Variants in EGFLAM observed in about 807,000 individuals in gnomAD.
The protein encoded by EGFLAM is pikachurin.
In EGFLAM, 79 loss-of-function variants were observed where a neutral mutation model predicts 113.1. The observed-to-expected ratio is 0.70, with a 90% confidence interval of 0.58 to 0.84. EGFLAM has a LOEUF of 0.84. EGFLAM is among the 40% of genes least tolerant of loss of function. The pLI, the probability that EGFLAM is intolerant of heterozygous loss-of-function variation, is 0.00. For missense variants in EGFLAM, 1,265 were observed against 1,291.6 expected (o/e 0.98, Z 0.32); for synonymous variants, 504 against 487.6 (o/e 1.03, Z -0.44).
intron 12 of EGFLAM, among the ~76,000 whole-genome samples, chr5:38,418,651 T>G (rs1326797485): frequency 1.3e-5 from 2 of 152,242 alleles, no homozygotes; most frequent in Non-Finnish European, 2.9e-5. Flanking sequence ...CTCTGTTTCT[T>G]AAAGAAGTGG....
At chr5:38,400,744 G>T (rs1741089050) in intron 6 of EGFLAM, among the ~76,000 whole-genome samples, 1 of 152,118 alleles carries the variant, frequency 6.6e-6, no homozygotes, top group Non-Finnish European at 1.5e-5. Flanking sequence ...TTGGGATGCT[G>T]CAAAGAGGAC....
chr5:38,271,858 A>G (rs983738092), intron 1 of EGFLAM, among the ~76,000 whole-genome samples: 1 of 152,218 alleles, frequency 6.6e-6, no homozygotes, highest in African/African-American at 2.4e-5. Flanking sequence ...GGATTATCTT[A>G]CACATGGTTG....
rs1378117840 is a variant in EGFLAM at position 38,307,918 on chromosome 5, C to T, written c.98-29602C>T. ...TGAGGGGTGGGCATGGCTTTCTTGG[C>T]TTTGACTGCTGTCTTGATGTTTCTC... On this transcript the variant is annotated intron_variant, in intron 1 of 21. Coordinates refer to ENST00000322350, the MANE Select transcript of EGFLAM (RefSeq NM_152403.4). Among the ~76,000 whole-genome samples, 3 of 152,188 alleles carry T rather than the reference C, an allele frequency of 2.0e-5. No homozygotes were observed. In the East Asian group the frequency reaches 5.8e-4, roughly 29 times the overall value.
At chr5:38,395,274 C>T (rs1014631462) in intron 6 of EGFLAM, among the ~76,000 whole-genome samples, 6 of 140,766 alleles carry the variant, frequency 4.3e-5, no homozygotes, top group South Asian at 2.3e-4. Context: ...GACTGGGTCT[C>T]GGTCTGTCAC....
At chr5:38,449,674 A>ATGTG (rs141510682) in intron 18 of EGFLAM, among the ~76,000 whole-genome samples, 323 of 150,098 alleles carry the variant, frequency 2.2e-3, no homozygotes, top group African/African-American at 3.7e-3. Context: ...GTGCGCATGC[A>ATGTG]TGTGTGTGTG....
chr5:38,312,447 A>G (rs369813299), intron 1 of EGFLAM, among the ~76,000 whole-genome samples: 8 of 151,960 alleles, frequency 5.3e-5, no homozygotes, highest in South Asian at 4.2e-4. Flanking sequence ...TCACCATGTT[A>G]GCCAGGATGG....
intron 5 of EGFLAM, among the ~76,000 whole-genome samples, chr5:38,354,709 G>T (rs983999487): frequency 6.6e-5 from 10 of 152,174 alleles, no homozygotes; most frequent in African/African-American, 2.4e-4. Context: ...TAGCCTGGAG[G>T]ACAGAGCGAG....
chr5:38,383,153 C>G (rs578066505), intron 6 of EGFLAM, among the ~76,000 whole-genome samples: 6 of 152,288 alleles, frequency 3.9e-5, no homozygotes, highest in Admixed American at 3.3e-4. Flanking sequence ...AAGTCCCAAC[C>G]AACATGGGAG....
intron 1 of EGFLAM, among the ~76,000 whole-genome samples, chr5:38,276,977 C>T (rs1264535556): frequency 4.6e-5 from 7 of 152,088 alleles, no homozygotes; most frequent in African/African-American, 1.7e-4. Context: ...TGAATTCTAC[C>T]ATACATTTAA....
chr5:38,296,308 T>C (rs1354628051), intron 1 of EGFLAM, among the ~76,000 whole-genome samples: 1 of 152,092 alleles, frequency 6.6e-6, no homozygotes, highest in African/African-American at 2.4e-5. Context: ...ATTAATCTGA[T>C]GATGATGATG....
At chr5:38,259,981 C>T (rs1757458142) in intron 1 of EGFLAM, among the ~76,000 whole-genome samples, 1 of 152,190 alleles carries the variant, frequency 6.6e-6, no homozygotes, top group South Asian at 2.1e-4. Flanking sequence ...GAAGCGTCCT[C>T]AGTCTTTGCA....
chr5:38,323,233 T>TGAATC (rs1738786451), intron 1 of EGFLAM, among the ~76,000 whole-genome samples: 1 of 152,234 alleles, frequency 6.6e-6, no homozygotes, highest in Non-Finnish European at 1.5e-5. Context: ...TGAATTGGAT[T>TGAATC]ACAAAACTAA....
intron 1 of EGFLAM, chr5:38,305,361 C>T (rs1758695560): frequency 2.7e-6 from 1 of 367,114 alleles, no homozygotes; most frequent in South Asian, 2.2e-5. Context: ...GAATTCCATA[C>T]CCAGCCAAAC....
intron 1 of EGFLAM, among the ~76,000 whole-genome samples, chr5:38,320,928 A>T (rs1190722708): frequency 6.6e-6 from 1 of 151,932 alleles, no homozygotes; most frequent in Non-Finnish European, 1.5e-5. Context: ...ATCTGCAACA[A>T]CCCTTCTAGA....
intron 6 of EGFLAM, among the ~76,000 whole-genome samples, chr5:38,393,386 A>T (rs1740866181): frequency 6.6e-6 from 1 of 152,192 alleles, no homozygotes; most frequent in African/African-American, 2.4e-5. Context: ...TAGTGATGAG[A>T]CAGGTTAGTT....
At chr5:38,370,921 T>C (rs185694386) in intron 6 of EGFLAM, among the ~76,000 whole-genome samples, 1 of 152,220 alleles carries the variant, frequency 6.6e-6, no homozygotes, top group East Asian at 1.9e-4. Context: ...ATCAAAGAAG[T>C]TGAGCGCTGA....
intron 1 of EGFLAM, among the ~76,000 whole-genome samples, chr5:38,283,130 C>A (rs968840395): frequency 2.6e-5 from 4 of 152,174 alleles, no homozygotes; most frequent in African/African-American, 9.7e-5. Flanking sequence ...AGCCACCATG[C>A]CTGGCCTGGG....
chr5:38,431,255 G>A lies in EGFLAM; in HGVS notation c.2133G>A (p.Val711=). The A allele has an allele frequency of 6.2e-7, 1 of 1,614,168 alleles. No homozygotes were observed. The highest frequency in any genetic ancestry group is 8.5e-7 in the Non-Finnish European group (1 of 1,180,012). Residue 711 remains valine (V), a synonymous_variant, in exon 15 of 22, where the codon GTG becomes GTA. Transcript: ENST00000322350. Reference sequence around the variant, plus strand: ...CAGCAAAGAATGGAATCTTACAGGTGGATAAGCAGAAGATAGTGGAGGGAA... The same window carrying A: ...CAGCAAAGAATGGAATCTTACAGGTAGATAAGCAGAAGATAGTGGAGGGAA... ...SRTAKNGILQ[V]DKQKIVEGMA...
At chr5:38,398,437 A>G (rs1056685394) in intron 6 of EGFLAM, among the ~76,000 whole-genome samples, 5 of 152,236 alleles carry the variant, frequency 3.3e-5, no homozygotes, top group Admixed American at 6.5e-5. Flanking sequence ...TTACAAACTC[A>G]TAATGCCACT....
Sources: allele counts gnomAD v4.1 joint callset (sites outside exome capture counted in the v4.1 genomes callset), GRCh38; gene constraint gnomAD v4.1.1; transcripts MANE v1.5; gene names NCBI Gene and HGNC (gene_info 2026-07-23, HGNC 2026-07-21).